The following STAMBPL1 variants were observed in gnomAD, a reference collection of about 807,000 sequenced individuals.
STAMBPL1 encodes the protein STAM binding protein like 1.
Under a neutral mutation model 52.9 loss-of-function variants are expected in STAMBPL1, and 44 were observed. The observed-to-expected ratio is 0.83, with a 90% CI of 0.65 to 1.07. STAMBPL1 has a LOEUF of 1.07. Among genes scored for constraint, STAMBPL1 ranks in the 50% least tolerant of loss-of-function variants. STAMBPL1 has a pLI of 0.00. For missense variants in STAMBPL1, 511 were observed against 520.8 expected (o/e 0.98, Z 0.18); for synonymous variants, 164 against 177.3 (o/e 0.92, Z 0.60).
At chr10:88,890,643 G>C (rs1474719901) in intron 1 of STAMBPL1, among the ~76,000 whole-genome samples, 1 of 152,210 alleles carries the variant, frequency 6.6e-6, no homozygotes, top group African/African-American at 2.4e-5. Context: ...CCATGGAGAT[G>C]AAAGAGACAA....
At chr10:88,887,274 T>G (rs1289788378) in intron 1 of STAMBPL1, among the ~76,000 whole-genome samples, 2 of 152,144 alleles carry the variant, frequency 1.3e-5, no homozygotes, top group Non-Finnish European at 2.9e-5. Flanking sequence ...TCACTCAAAA[T>G]CATTGGTGGG....
At chr10:88,904,458 T>C in intron 2 of STAMBPL1, among the ~76,000 whole-genome samples, 1 of 152,152 alleles carries the variant, frequency 6.6e-6, no homozygotes, top group East Asian at 1.9e-4. Flanking sequence ...CAAACTATGG[T>C]GTAAGGGCCA....
At chr10:88,881,710 G>T (rs958608920) in intron 1 of STAMBPL1, among the ~76,000 whole-genome samples, 3 of 152,098 alleles carry the variant, frequency 2.0e-5, no homozygotes, top group African/African-American at 7.2e-5. Flanking sequence ...AGGTTTTGAC[G>T]GTTGTTTTAC....
intron 7 of STAMBPL1, 106 bp from the exon 8 acceptor site, chr10:88,916,574 A>AC: frequency 9.0e-6 from 10 of 1,112,618 alleles, no homozygotes; most frequent in Non-Finnish European, 1.2e-5. Flanking sequence ...ACCTGGACAC[A>AC]CCCCCCTGCT....
At chr10:88,883,418 C>T (rs1164697330) in intron 1 of STAMBPL1, among the ~76,000 whole-genome samples, 2 of 152,180 alleles carry the variant, frequency 1.3e-5, no homozygotes, top group African/African-American at 4.8e-5. Flanking sequence ...GCTTATTCCA[C>T]CTATCTGAAC....
intron 8 of STAMBPL1, among the ~76,000 whole-genome samples, chr10:88,918,356 G>A (rs1388526602): frequency 6.6e-6 from 1 of 151,662 alleles, no homozygotes; most frequent in East Asian, 1.9e-4. Context: ...ATGCAGTTCT[G>A]GAGGGTACAG....
At chr10:88,914,297 A>T (rs1013165363) in intron 6 of STAMBPL1, among the ~76,000 whole-genome samples, 3 of 152,208 alleles carry the variant, frequency 2.0e-5, no homozygotes, top group Non-Finnish European at 4.4e-5. Flanking sequence ...AGATACAAAC[A>T]TGTAAAAGTG....
rs997411172 is a variant in STAMBPL1, at chr10:88,913,534, G to A, written c.778+76G>A. 2.3e-6 allele frequency: 3 copies of A among 1,288,618 alleles called. No homozygotes were observed. In the East Asian group the frequency reaches 7.0e-5, roughly 30 times the overall value. The allele number at this position is 1,288,618 out of a possible 1,614,324, so 79.8% of individuals were successfully genotyped here. A position where few individuals can be genotyped will look rare whatever the true frequency, so the allele number is the denominator to read the frequency against. ...CCATATTTCTATAGCATCTGGGAGGGTCCTTCTCATTTCATTATTAATTGT... is the reference window on the plus strand; with the variant it reads ...CCATATTTCTATAGCATCTGGGAGGATCCTTCTCATTTCATTATTAATTGT... On this transcript the variant is annotated intron_variant, in intron 6 of 10. Coordinates refer to ENST00000371926, the MANE Select transcript of STAMBPL1 (RefSeq NM_020799.4).
intron 8 of STAMBPL1, among the ~76,000 whole-genome samples, chr10:88,919,707 A>G (rs1845459368): frequency 6.6e-6 from 1 of 152,010 alleles, no homozygotes; most frequent in Non-Finnish European, 1.5e-5. Flanking sequence ...AGTTAGGATA[A>G]TTTCCATTCC....
chr10:88,882,547 C>G (rs1351587383), intron 1 of STAMBPL1: 1 of 152,076 alleles, frequency 6.6e-6, no homozygotes, highest in African/African-American at 2.4e-5. Context: ...TGATTCTTGC[C>G]CAAAACATGA....
chr10:88,888,587 G>C (rs892457454), intron 1 of STAMBPL1, among the ~76,000 whole-genome samples: 1 of 152,176 alleles, frequency 6.6e-6, no homozygotes, highest in Admixed American at 6.5e-5. Flanking sequence ...ATGTTATGGT[G>C]TATACATGAA....
rs1844370840 is a variant in STAMBPL1 at position 88,880,406 on chromosome 10, A to C, written c.-286A>C. 6.6e-6 allele frequency: 1 copy of C among 152,204 alleles called. No individual in the cohort carries two copies. Among genetic ancestry groups the C allele is most frequent in the Non-Finnish European group, 1.5e-5 (1 of 68,052 alleles). 9.4% of individuals were successfully genotyped at this position (152,204 alleles called of 1,614,324 possible). On this transcript the variant is annotated 5_prime_UTR_variant, in exon 1 of 11. Transcript: ENST00000371926. ...CGACGCACGGAGCCCGCGCGACTGGAACCAGCAAAGCTCCATCTGTCGGCA... is the reference window on the plus strand; with the variant it reads ...CGACGCACGGAGCCCGCGCGACTGGCACCAGCAAAGCTCCATCTGTCGGCA...
chr10:88,882,418 A>T (rs754087056), intron 1 of STAMBPL1: 1 of 152,252 alleles, frequency 6.6e-6, no homozygotes, highest in Non-Finnish European at 1.5e-5. Flanking sequence ...TACTTTCAGC[A>T]CATAGGACTT....
intron 3 of STAMBPL1, among the ~76,000 whole-genome samples, chr10:88,907,216 C>G (rs543722923): frequency 6.6e-6 from 1 of 152,212 alleles, no homozygotes; most frequent in Admixed American, 6.5e-5. Context: ...TTGAAAGATA[C>G]AATATTTTAA....
chr10:88,914,467 A>T, intron 6 of STAMBPL1, 67 bp from the exon 7 acceptor site: 1 of 1,291,782 alleles, frequency 7.7e-7, no homozygotes, highest in South Asian at 2.4e-5. Context: ...CTGTTTGCCA[A>T]TAACAATTTT....
rs1164183703 is a variant in STAMBPL1, at chr10:88,880,370, G to A, written c.-322G>A. 6.6e-6 allele frequency: 1 copy of A among 152,204 alleles called. No homozygotes were observed. The highest frequency in any genetic ancestry group is 1.5e-5 in the Non-Finnish European group (1 of 68,068). 9.4% of individuals were successfully genotyped at this position (152,204 alleles called of 1,614,324 possible). On this transcript the variant is annotated 5_prime_UTR_variant, in exon 1 of 11. Transcript: ENST00000371926. Reference sequence around the variant, plus strand: ...CCCCTGCGCTGGGGTGTCCGACAGCGAGGAGGAGAACGACGCACGGAGCCC... The same window carrying A: ...CCCCTGCGCTGGGGTGTCCGACAGCAAGGAGGAGAACGACGCACGGAGCCC...
chr10:88,900,412 AG>A (rs1233682203), intron 1 of STAMBPL1, among the ~76,000 whole-genome samples: 1 of 152,248 alleles, frequency 6.6e-6, no homozygotes, highest in African/African-American at 2.4e-5. Context: ...TAGCATAAAA[AG>A]GATGGGAATT....
chr10:88,898,754 A>G (rs559539707), intron 1 of STAMBPL1, among the ~76,000 whole-genome samples: 67 of 152,318 alleles, frequency 4.4e-4, no homozygotes, highest in African/African-American at 1.5e-3. Context: ...GCTCACACTT[A>G]GCATTGTTTT....
At chr10:88,922,223 T>G in intron 9 of STAMBPL1, 114 bp from the exon 10 acceptor site, 2 of 998,362 alleles carry the variant, frequency 2.0e-6, no homozygotes, top group Admixed American at 4.8e-5. Context: ...ATTCCTAGTT[T>G]GTGATTTCTC....
Sources: allele counts gnomAD v4.1 joint callset (sites outside exome capture counted in the v4.1 genomes callset), GRCh38; gene constraint gnomAD v4.1.1; transcripts MANE v1.5; gene names NCBI Gene and HGNC (gene_info 2026-07-23, HGNC 2026-07-21).